ANTXR2: variants seen among roughly 807,000 people sequenced by gnomAD.
The protein encoded by ANTXR2 is anthrax toxin receptor 2.
A neutral mutation model predicts 73.7 loss-of-function variants in ANTXR2; 44 were observed. The observed-to-expected ratio is 0.60, with a 90% CI of 0.47 to 0.77. ANTXR2 has a LOEUF of 0.77. ANTXR2 is among the 30% of genes least tolerant of loss of function. The pLI, the probability that ANTXR2 is intolerant of heterozygous loss-of-function variation, is 0.00. For missense variants in ANTXR2, 604 were observed against 592.5 expected (o/e 1.02, Z -0.20); for synonymous variants, 217 against 205.9 (o/e 1.05, Z -0.46).
intron 10 of ANTXR2, among the ~76,000 whole-genome samples, chr4:80,030,484 T>C (rs1732640098): frequency 6.6e-6 from 1 of 152,070 alleles, no homozygotes; most frequent in Non-Finnish European, 1.5e-5. Context: ...CAAATTCCAA[T>C]GCCAATTTAA....
intron 10 of ANTXR2, among the ~76,000 whole-genome samples, 161 bp downstream of exon 10, chr4:80,031,462 C>CTTGCTTG (rs1732691049): frequency 6.6e-6 from 1 of 151,876 alleles, no homozygotes; most frequent in Admixed American, 6.6e-5. Flanking sequence ...GAAGTACTAA[C>CTTGCTTG]TTGCTTGCCT....
At chr4:79,988,948 T>C (rs183073437) in intron 12 of ANTXR2, among the ~76,000 whole-genome samples, 84 of 152,132 alleles carry the variant, frequency 5.5e-4, no homozygotes, top group African/African-American at 1.8e-3. Context: ...TTGAAACCAA[T>C]GAAAACAAAG....
intron 7 of ANTXR2, among the ~76,000 whole-genome samples, chr4:80,043,100 T>C (rs1733352519): frequency 6.6e-6 from 1 of 151,974 alleles, no homozygotes; most frequent in Admixed American, 6.6e-5. Flanking sequence ...AAAAATTACT[T>C]AGTGGGTACA....
chr4:79,951,878 T>C (rs1728721147), intron 16 of ANTXR2, among the ~76,000 whole-genome samples: 2 of 152,082 alleles, frequency 1.3e-5, no homozygotes, highest in South Asian at 4.1e-4. Context: ...GGCAACACTT[T>C]TGTGTAATCT....
chr4:80,006,633 T>C (rs1259739383), intron 12 of ANTXR2, among the ~76,000 whole-genome samples: 1 of 152,050 alleles, frequency 6.6e-6, no homozygotes, highest in East Asian at 1.9e-4. Flanking sequence ...AGAAAGTAAC[T>C]CCATGATTTG....
At chr4:80,017,379 C>T (rs1427175173) in intron 11 of ANTXR2, among the ~76,000 whole-genome samples, 2 of 152,212 alleles carry the variant, frequency 1.3e-5, no homozygotes, top group Admixed American at 6.5e-5. Flanking sequence ...GGAGAATCAT[C>T]TTGACCCCTT....
chr4:80,064,062 T>A (rs1734385258), intron 3 of ANTXR2, among the ~76,000 whole-genome samples: 1 of 152,176 alleles, frequency 6.6e-6, no homozygotes, highest in South Asian at 2.1e-4. Context: ...CACAAGTAAA[T>A]TTTTAATTCA....
intron 16 of ANTXR2, among the ~76,000 whole-genome samples, chr4:79,946,898 C>G (rs1560890802): frequency 6.6e-6 from 1 of 151,968 alleles, no homozygotes; most frequent in Non-Finnish European, 1.5e-5. Flanking sequence ...AATCCTAAAA[C>G]CTTAGGCTCT....
intron 16 of ANTXR2, among the ~76,000 whole-genome samples, chr4:79,948,597 A>G (rs1020903084): frequency 5.3e-5 from 8 of 152,164 alleles, no homozygotes; most frequent in African/African-American, 1.9e-4. Flanking sequence ...AATCTCTGAG[A>G]CAAAGAATTT....
chr4:80,044,006 T>C (rs1250068806), intron 7 of ANTXR2, among the ~76,000 whole-genome samples: 2 of 151,896 alleles, frequency 1.3e-5, no homozygotes, highest in African/African-American at 4.8e-5. Context: ...AGAATCAGAA[T>C]TGGCAAGGTT....
chr4:79,918,601 A>C (rs1336529765), intron 16 of ANTXR2, among the ~76,000 whole-genome samples: 1 of 152,156 alleles, frequency 6.6e-6, no homozygotes, highest in Non-Finnish European at 1.5e-5. Flanking sequence ...GTCTCCATTC[A>C]GAGAAAATAC....
chr4:80,067,207 CAAAAA>C (rs75413405), intron 3 of ANTXR2, among the ~76,000 whole-genome samples: 3,253 of 132,232 alleles, frequency 0.025, 102 homozygotes, highest in African/African-American at 0.082. Flanking sequence ...CTCTGTCTCA[CAAAAA>C]AAAAAAAGAA....
intron 16 of ANTXR2, among the ~76,000 whole-genome samples, chr4:79,915,860 C>CTATATATA (rs775665680): frequency 0.012 from 1,517 of 121,788 alleles, 15 homozygotes; most frequent in East Asian, 0.024. Context: ...CTCTCTCTCT[C>CTATATATA]TCTATATATA....
intron 16 of ANTXR2, among the ~76,000 whole-genome samples, chr4:79,926,969 G>GTGCATATATGTGTA: frequency 1.2e-5 from 1 of 81,040 alleles, no homozygotes; most frequent in Non-Finnish European, 2.6e-5. Context: ...GCATATATGT[G>GTGCATATATGTGTA]TATATATACG....
chr4:79,921,386 C>G (rs988497256), intron 16 of ANTXR2, among the ~76,000 whole-genome samples: 2 of 151,940 alleles, frequency 1.3e-5, no homozygotes, highest in Admixed American at 6.6e-5. Context: ...GACTCTAAAG[C>G]AATGTATACT....
intron 7 of ANTXR2, among the ~76,000 whole-genome samples, chr4:80,048,941 T>C (rs1264223965): frequency 6.6e-6 from 1 of 151,756 alleles, no homozygotes; most frequent in African/African-American, 2.4e-5. Context: ...ATGTCCTAAA[T>C]GTATGGATGA....
intron 16 of ANTXR2, among the ~76,000 whole-genome samples, chr4:79,974,124 A>C (rs1417588862): frequency 6.6e-6 from 1 of 152,216 alleles, no homozygotes; most frequent in Non-Finnish European, 1.5e-5. Flanking sequence ...CCTAGCTTTA[A>C]CATACTAATG....
chr4:79,914,952 A>G (rs1490791845), intron 16 of ANTXR2, among the ~76,000 whole-genome samples: 3 of 152,186 alleles, frequency 2.0e-5, no homozygotes, highest in African/African-American at 7.2e-5. Context: ...GAAGATACAG[A>G]ATGTACCAAG....
intron 10 of ANTXR2, among the ~76,000 whole-genome samples, chr4:80,019,342 G>A (rs796978738): frequency 7.2e-4 from 110 of 152,266 alleles, no homozygotes; most frequent in African/African-American, 2.4e-3. Context: ...ACTCCAGCCC[G>A]GGCCGACAAC....
Sources: allele counts gnomAD v4.1 joint callset (sites outside exome capture counted in the v4.1 genomes callset), GRCh38; gene constraint gnomAD v4.1.1; transcripts MANE v1.5; gene names NCBI Gene and HGNC (gene_info 2026-07-23, HGNC 2026-07-21).